The following ATP8A2 variants were observed in gnomAD, a reference collection of about 807,000 sequenced individuals.
ATP8A2 encodes phospholipid-transporting ATPase IB.
In ATP8A2, 100 loss-of-function variants were observed where a neutral mutation model predicts 165.6. The ratio of observed to expected loss-of-function variants is 0.60; its 90% confidence interval spans 0.51 to 0.71. The LOEUF (loss-of-function observed/expected upper bound fraction) is 0.71, where lower values mean the gene tolerates loss of function less well. Among genes scored for constraint, ATP8A2 ranks in the 30% least tolerant of loss-of-function variants. ATP8A2 has a pLI of 0.00. For missense variants in ATP8A2, 1,227 were observed against 1,479.5 expected (o/e 0.83, Z 2.80); for synonymous variants, 543 against 548.8 (o/e 0.99, Z 0.15).
At chr13:25,606,230 T>C (rs2040513042) in intron 24 of ATP8A2, among the ~76,000 whole-genome samples, 1 of 152,184 alleles carries the variant, frequency 6.6e-6, no homozygotes. Context: ...TGATGAACTT[T>C]CCATTTACAT....
chr13:25,916,781 C>A (rs903309861), intron 33 of ATP8A2, among the ~76,000 whole-genome samples: 1 of 152,080 alleles, frequency 6.6e-6, no homozygotes, highest in African/African-American at 2.4e-5. Context: ...TTGTTTTAAA[C>A]CTTAACTCTG....
chr13:25,976,863 G>A (rs539229937), intron 35 of ATP8A2, among the ~76,000 whole-genome samples: 4 of 152,170 alleles, frequency 2.6e-5, no homozygotes, highest in South Asian at 2.1e-4. Flanking sequence ...ACCTCAGCTC[G>A]CTGCAACCTC....
Position 25,996,776 on chromosome 13 carries a change from T to G in ATP8A2, c.3378-15755T>G, listed in dbSNP as rs112535356. Among the ~76,000 whole-genome samples the G allele has an allele frequency of 8.5e-5, 13 of 152,318 alleles. 2 individuals carry two copies. Among genetic ancestry groups the G allele is most frequent in the African/African-American group, 3.1e-4 (13 of 41,574 alleles). On this transcript the variant is annotated intron_variant, in intron 35 of 36. Coordinates refer to ENST00000381655, the MANE Select transcript of ATP8A2 (RefSeq NM_016529.6). The stretch of plus-strand genomic sequence containing the variant: ...TCAGCTCACCGCAACCTCTACCTCC[T>G]GGGTTCAAGCATTTCTTCTGCCTCA...
chr13:25,818,258 C>T (rs1391924216), intron 27 of ATP8A2, among the ~76,000 whole-genome samples: 1 of 152,096 alleles, frequency 6.6e-6, no homozygotes, highest in Non-Finnish European at 1.5e-5. Flanking sequence ...GATCCCTTGG[C>T]ACTCAAGGAA....
At chr13:25,955,114 A>G (rs1202397179) in intron 33 of ATP8A2, among the ~76,000 whole-genome samples, 1 of 152,258 alleles carries the variant, frequency 6.6e-6, no homozygotes, top group Admixed American at 6.5e-5. Context: ...AAAAGGTTAT[A>G]GGAATTGGTA....
chr13:25,776,709 G>A (rs969425850), intron 27 of ATP8A2, among the ~76,000 whole-genome samples: 11 of 152,152 alleles, frequency 7.2e-5, no homozygotes, highest in Admixed American at 3.3e-4. Context: ...GTGTAAAGAG[G>A]TATCGTAGGG....
chr13:25,837,965 T>C (rs1041599813), intron 29 of ATP8A2, among the ~76,000 whole-genome samples: 13 of 152,192 alleles, frequency 8.5e-5, no homozygotes, highest in African/African-American at 3.1e-4. Context: ...TGCGGCTGAA[T>C]GTGGCAGAGT....
chr13:25,511,936 G>A (rs2037240338), intron 2 of ATP8A2, among the ~76,000 whole-genome samples: 1 of 151,674 alleles, frequency 6.6e-6, no homozygotes, highest in African/African-American at 2.4e-5. Flanking sequence ...CTCGCAGAGG[G>A]GGATTTGGCA....
intron 2 of ATP8A2, among the ~76,000 whole-genome samples, chr13:25,473,111 AGCAC>A (rs2035893127): frequency 1.3e-5 from 2 of 152,208 alleles, no homozygotes; most frequent in Non-Finnish European, 2.9e-5. Flanking sequence ...TTGTGGCCTC[AGCAC>A]CCCCAGGGGT....
chr13:25,678,204 T>G (rs1360514005), intron 24 of ATP8A2, among the ~76,000 whole-genome samples: 3 of 152,190 alleles, frequency 2.0e-5, no homozygotes, highest in African/African-American at 7.2e-5. Context: ...AAACACTTGT[T>G]GCCTCTGTGG....
chr13:25,858,409 G>A (rs1040131449), intron 30 of ATP8A2, among the ~76,000 whole-genome samples: 2 of 151,994 alleles, frequency 1.3e-5, no homozygotes, highest in East Asian at 1.9e-4. Flanking sequence ...GTCTCGCCCC[G>A]TTCTCCCGAT....
At chr13:25,565,239 A>T (rs1329372106) in intron 16 of ATP8A2, among the ~76,000 whole-genome samples, 1 of 152,164 alleles carries the variant, frequency 6.6e-6, no homozygotes, top group Non-Finnish European at 1.5e-5. Context: ...CTCTGGGTAG[A>T]TACCTAGTAG....
rs1243495414 is a variant in ATP8A2 at position 25,769,303 on chromosome 13, C to A, written c.2568+74C>A. On this transcript the variant is annotated intron_variant, in intron 26 of 36. Coordinates refer to ENST00000381655, the MANE Select transcript of ATP8A2 (RefSeq NM_016529.6). ...CTGGGCATGAGGACCTGGCGTTTAA[C>A]CTTCAGTGCATCTCCAAACCTCTGC... is the stretch of plus-strand genomic sequence containing the variant. The A allele has an allele frequency of 3.4e-6, 5 of 1,449,790 alleles. No individual in the cohort carries two copies. The Admixed American group carries it at 8.3e-5, about 24-fold the overall frequency. The allele number at this position is 1,449,790 out of a possible 1,614,324, so 89.8% of individuals were successfully genotyped here. A position where few individuals can be genotyped will look rare whatever the true frequency, so the allele number is the denominator to read the frequency against.
chr13:25,994,527 T>G (rs900782199), intron 35 of ATP8A2, among the ~76,000 whole-genome samples: 2 of 152,144 alleles, frequency 1.3e-5, no homozygotes, highest in Non-Finnish European at 2.9e-5. Flanking sequence ...GTAGATGCTC[T>G]TTGTCAAGTT....
intron 25 of ATP8A2, among the ~76,000 whole-genome samples, chr13:25,704,065 T>TA (rs1248168647): frequency 6.6e-6 from 1 of 152,230 alleles, no homozygotes; most frequent in Non-Finnish European, 1.5e-5. Flanking sequence ...TTGTTGATTA[T>TA]AAAAAATGAA....
At chr13:25,717,785 C>T (rs909482934) in intron 25 of ATP8A2, among the ~76,000 whole-genome samples, 4 of 152,194 alleles carry the variant, frequency 2.6e-5, no homozygotes, top group African/African-American at 9.7e-5. Flanking sequence ...CTGAATGCCT[C>T]CCTCAGTATA....
chr13:25,406,615 G>A (rs902925607), intron 1 of ATP8A2, among the ~76,000 whole-genome samples: 3 of 152,172 alleles, frequency 2.0e-5, no homozygotes, highest in Non-Finnish European at 4.4e-5. Flanking sequence ...GCTCACAGAG[G>A]AGGTGACATC....
At chr13:25,706,091 G>A (rs2043050099) in intron 25 of ATP8A2, among the ~76,000 whole-genome samples, 1 of 152,144 alleles carries the variant, frequency 6.6e-6, no homozygotes, top group African/African-American at 2.4e-5. Flanking sequence ...AAGATGAATT[G>A]GCTTAGAGTC....
chr13:25,826,168 G>T (rs77322818), intron 27 of ATP8A2, among the ~76,000 whole-genome samples: 3,504 of 152,254 alleles, frequency 0.023, 124 homozygotes, highest in East Asian at 0.17. Context: ...ATTCTACACT[G>T]AACTTGGAAA....
Sources: gnomAD v4.1 joint callset for allele counts (sites outside exome capture counted in the v4.1 genomes callset) on GRCh38, gnomAD v4.1.1 for gene constraint, MANE v1.5 for transcripts, NCBI Gene and HGNC (gene_info 2026-07-23, HGNC 2026-07-21) for gene names.